Variants in COL22A1 observed in about 807,000 individuals in gnomAD.
COL22A1 encodes the protein collagen type XXII alpha 1 chain.
In COL22A1, 221 loss-of-function variants were observed where a neutral mutation model predicts 248.9. The ratio of observed to expected loss-of-function variants is 0.89; its 90% CI spans 0.80 to 0.99. The LOEUF is 0.99. COL22A1 is among the 50% of genes least tolerant of loss of function. The probability of loss-of-function intolerance (pLI) is 0.00; values close to 1 mark genes in which losing one functional copy is unlikely to be tolerated. For missense variants in COL22A1, 2,240 were observed against 2,179.0 expected (o/e 1.03, Z -0.56); for synonymous variants, 891 against 793.4 (o/e 1.12, Z -2.07).
intron 18 of COL22A1, among the ~76,000 whole-genome samples, chr8:138,757,557 T>C (rs1368938683): frequency 6.6e-6 from 1 of 152,186 alleles, no homozygotes; most frequent in African/African-American, 2.4e-5. Flanking sequence ...TAAGGGCCAA[T>C]GTTCCAACAA....
intron 3 of COL22A1, among the ~76,000 whole-genome samples, chr8:138,862,307 T>G (rs913582371): frequency 5.9e-5 from 9 of 152,062 alleles, no homozygotes; most frequent in African/African-American, 2.2e-4. Flanking sequence ...AACTCCAAAT[T>G]CTTCCCGTGG....
intron 22 of COL22A1, among the ~76,000 whole-genome samples, chr8:138,740,696 TA>T (rs1250072712): frequency 6.6e-6 from 1 of 152,066 alleles, no homozygotes; most frequent in Non-Finnish European, 1.5e-5. Context: ...GCAGACACCA[TA>T]AGCATTAGGT....
intron 7 of COL22A1, among the ~76,000 whole-genome samples, chr8:138,818,466 T>C (rs538107627): frequency 1.3e-5 from 2 of 152,344 alleles, no homozygotes; most frequent in Admixed American, 6.5e-5. Context: ...GTGTCATAAA[T>C]ACCCCATAGC....
At chr8:138,647,801 T>G (rs1822343281) in intron 46 of COL22A1, among the ~76,000 whole-genome samples, 1 of 152,144 alleles carries the variant, frequency 6.6e-6, no homozygotes, top group African/African-American at 2.4e-5. Context: ...AATACAAGCC[T>G]CATTCCCAGT....
chr8:138,727,624 C>T (rs1339948820), intron 23 of COL22A1, among the ~76,000 whole-genome samples: 1 of 152,208 alleles, frequency 6.6e-6, no homozygotes, highest in Non-Finnish European at 1.5e-5. Context: ...CTTTCTCCCT[C>T]TGGGGGCACC....
At chr8:138,755,094 T>C (rs1474782274) in intron 21 of COL22A1, 63 bp downstream of exon 21, 3 of 1,530,530 alleles carry the variant, frequency 2.0e-6, no homozygotes, top group Non-Finnish European at 2.7e-6. Context: ...GACTCTGATC[T>C]TCCAAACCCA....
intron 12 of COL22A1, among the ~76,000 whole-genome samples, chr8:138,794,629 G>A (rs905891964): frequency 6.6e-6 from 1 of 152,152 alleles, no homozygotes; most frequent in African/African-American, 2.4e-5. Flanking sequence ...CAACTTAGAT[G>A]TCCATCAGTG....
intron 59 of COL22A1, among the ~76,000 whole-genome samples, chr8:138,603,119 C>T (rs2131839463): frequency 6.6e-6 from 1 of 152,318 alleles, no homozygotes; most frequent in African/African-American, 2.4e-5. Flanking sequence ...CTGGCCATTT[C>T]AGCCCCAGAA....
chr8:138,596,896 A>G lies in COL22A1; in HGVS notation c.4432+8T>C, dbSNP rs762962716. Reference sequence around the variant, plus strand: ...TCTGCAAGACCGTAACACAGTCCAGATACTCACTTTCAAGCTGCTTCCCCA... The same window carrying G: ...TCTGCAAGACCGTAACACAGTCCAGGTACTCACTTTCAAGCTGCTTCCCCA... On this transcript the variant is annotated splice_region_variant and intron_variant, in intron 62 of 64. Coordinates refer to ENST00000303045, the MANE Select transcript of COL22A1 (RefSeq NM_152888.3). The G allele has an allele frequency of 6.2e-7, 1 of 1,613,604 alleles. No individual in the cohort carries two copies. The highest frequency in any genetic ancestry group is 2.2e-5 in the East Asian group (1 of 44,862).
intron 37 of COL22A1, 123 bp from the exon 38 acceptor site, chr8:138,685,435 A>T: frequency 1.3e-6 from 1 of 751,606 alleles, no homozygotes; most frequent in Non-Finnish European, 2.3e-6. Flanking sequence ...TAGAAGGCCC[A>T]TGCTTTCTGG....
intron 1 of COL22A1, among the ~76,000 whole-genome samples, chr8:138,909,690 G>A (rs917384726): frequency 1.3e-5 from 2 of 152,198 alleles, no homozygotes; most frequent in Non-Finnish European, 2.9e-5. Context: ...GCAAGAGGGA[G>A]GTAGCATGGC....
chr8:138,726,616 C>T (rs1830336229), intron 23 of COL22A1, among the ~76,000 whole-genome samples: 1 of 152,036 alleles, frequency 6.6e-6, no homozygotes, highest in African/African-American at 2.4e-5. Context: ...AGTGATGCTG[C>T]ACTCAGAGGG....
At chr8:138,810,019 T>C (rs1283176180) in intron 9 of COL22A1, among the ~76,000 whole-genome samples, 2 of 152,222 alleles carry the variant, frequency 1.3e-5, no homozygotes, top group Non-Finnish European at 2.9e-5. Context: ...TCTAATGTGA[T>C]AATTGTTATA....
At chr8:138,737,455 G>A (rs1461510479) in intron 23 of COL22A1, 69 bp downstream of exon 23, 8 of 1,156,754 alleles carry the variant, frequency 6.9e-6, no homozygotes, top group South Asian at 1.2e-5. Flanking sequence ...CCTGAGAGCT[G>A]CTGCCTGGTC....
At chr8:138,691,000 GCCT>G in intron 35 of COL22A1, 126 bp from the exon 36 acceptor site, 2 of 695,664 alleles carry the variant, frequency 2.9e-6, no homozygotes, top group Non-Finnish European at 4.6e-6. Context: ...TGACCTGACA[GCCT>G]CTGCAGACGT....
chr8:138,722,297 C>A, intron 25 of COL22A1: 2 of 575,662 alleles, frequency 3.5e-6, no homozygotes, highest in Non-Finnish European at 6.3e-6. Flanking sequence ...GCAAATATCA[C>A]CCTCTGGGCA....
intron 3 of COL22A1, among the ~76,000 whole-genome samples, chr8:138,844,474 C>T (rs1053812769): frequency 1.3e-5 from 2 of 152,174 alleles, no homozygotes; most frequent in African/African-American, 2.4e-5. Context: ...AACAACATAG[C>T]GGAATAAGTT....
At chr8:138,814,421 GTTC>G (rs1211447140) in intron 7 of COL22A1, among the ~76,000 whole-genome samples, 2 of 151,972 alleles carry the variant, frequency 1.3e-5, no homozygotes, top group Non-Finnish European at 2.9e-5. Flanking sequence ...TCTTCAGTGT[GTTC>G]TTCTCTCTCT....
chr8:138,805,283 GGT>G (rs556919675), intron 10 of COL22A1, among the ~76,000 whole-genome samples: 3 of 144,688 alleles, frequency 2.1e-5, no homozygotes, highest in East Asian at 2.1e-4. Flanking sequence ...TGTGTGTGAT[GGT>G]GTGTGTGGTG....
Sources: allele counts gnomAD v4.1 joint callset (sites outside exome capture counted in the v4.1 genomes callset), GRCh38; gene constraint gnomAD v4.1.1; transcripts MANE v1.5; gene names NCBI Gene and HGNC (gene_info 2026-07-23, HGNC 2026-07-21).